The following COL14A1 variants were observed in gnomAD, a reference collection of about 807,000 sequenced individuals.
COL14A1 encodes collagen alpha-1(XIV) chain.
In COL14A1, 136 loss-of-function variants were observed where a neutral mutation model predicts 230.3. The ratio of observed to expected loss-of-function variants is 0.59; its 90% CI spans 0.51 to 0.68. The LOEUF is 0.68. Among genes scored for constraint, COL14A1 ranks in the 30% least tolerant of loss-of-function variants. The pLI is 0.00. For synonymous variants in COL14A1, 792 were observed against 784.1 expected, an observed-to-expected ratio of 1.01 and a Z score of -0.17; for missense variants, 1,976 against 2,215.8, an observed-to-expected ratio of 0.89 and a Z score of 2.17.
intron 19 of COL14A1, among the ~76,000 whole-genome samples, chr8:120,236,568 A>G (rs892288574): frequency 4.0e-5 from 6 of 151,806 alleles, no homozygotes; most frequent in African/African-American, 1.5e-4. Flanking sequence ...TTGACTTTTA[A>G]CCAATTTGCC....
chr8:120,200,765 A>G lies in COL14A1; in HGVS notation c.877+1199A>G, dbSNP rs188854154. On this transcript the variant is annotated intron_variant, in intron 8 of 47. Transcript: ENST00000297848. ...TATATATATATATATATATATATAT[A>G]TTATTTTTCATCAGAGGAGGTTTCT... Among the ~76,000 whole-genome samples the G allele has an allele frequency of 4.4e-3, 401 of 92,074 alleles. 2 individuals are homozygous for G. The highest frequency in any genetic ancestry group is 0.016 in the African/African-American group (381 of 24,214). 60.4% of individuals were successfully genotyped at this position (92,074 alleles called of 152,430 possible). A position where few individuals can be genotyped will look rare whatever the true frequency, so the allele number is the denominator to read the frequency against.
chr8:120,366,335 G>A (rs1008949444), intron 45 of COL14A1, among the ~76,000 whole-genome samples: 1 of 152,096 alleles, frequency 6.6e-6, no homozygotes, highest in Non-Finnish European at 1.5e-5. Context: ...TTCTCAGTAG[G>A]TATAATTAAA....
intron 8 of COL14A1, among the ~76,000 whole-genome samples, chr8:120,203,213 C>T (rs556890813): frequency 6.6e-6 from 1 of 151,872 alleles, no homozygotes; most frequent in South Asian, 2.1e-4. Flanking sequence ...CATTTAAAAA[C>T]GATTCTGCAA....
chr8:120,288,159 G>A (rs1201718425), intron 33 of COL14A1, among the ~76,000 whole-genome samples: 1 of 151,986 alleles, frequency 6.6e-6, no homozygotes, highest in Non-Finnish European at 1.5e-5. Flanking sequence ...AGTGTTCTAA[G>A]GCTCAAAAAC....
intron 40 of COL14A1, among the ~76,000 whole-genome samples, chr8:120,331,795 A>T (rs569527065): frequency 6.6e-6 from 1 of 152,330 alleles, no homozygotes; most frequent in African/African-American, 2.4e-5. Context: ...GTCATGAAAG[A>T]TACTAATTCA....
chr8:120,262,198 C>A (rs998564927), intron 23 of COL14A1, among the ~76,000 whole-genome samples: 2 of 152,046 alleles, frequency 1.3e-5, no homozygotes, highest in African/African-American at 4.8e-5. Context: ...ATAGGCCAGG[C>A]ATGGTATCTC....
At chr8:120,147,734 G>T (rs185295679) in intron 1 of COL14A1, 72 bp from the exon 2 acceptor site, 20 of 721,096 alleles carry the variant, frequency 2.8e-5, no homozygotes, top group Non-Finnish European at 4.1e-5. Flanking sequence ...TGGCTTATTC[G>T]CCTGTCCTAA....
chr8:120,124,497 C>T (rs370702959), upstream of COL14A1, among the ~76,000 whole-genome samples: 1 of 152,184 alleles, frequency 6.6e-6, no homozygotes, highest in African/African-American at 2.4e-5. Flanking sequence ...GAGGTACAAC[C>T]ACACGAAATT....
Position 120,289,625 on chromosome 8 carries a change from T to C in COL14A1, c.4095T>C (p.Ser1365=). The C allele has an allele frequency of 6.2e-7, 1 of 1,613,932 alleles. No homozygotes were observed. The highest frequency in any genetic ancestry group is 1.3e-5 in the African/African-American group (1 of 75,030). ...TTACCTAGCTACACATTGTTGTCAGTGAGACTTTGGTCAAAGTGGTTATTG... is the reference window on the plus strand; with the variant it reads ...TTACCTAGCTACACATTGTTGTCAGCGAGACTTTGGTCAAAGTGGTTATTG... ...GSFHKLHIVV[S]ETLVKVVIDC... is the part of the protein sequence containing the mutation. Residue 1365 remains serine, a synonymous_variant, in exon 34 of 48, where the codon AGT becomes AGC. Transcript: ENST00000297848.
chr8:120,167,637 C>CT (rs1420225993), intron 4 of COL14A1, among the ~76,000 whole-genome samples: 2 of 152,136 alleles, frequency 1.3e-5, no homozygotes, highest in Admixed American at 6.5e-5. Flanking sequence ...TAATAGAGAC[C>CT]TTTTTTTAAG....
chr8:120,182,903 T>A (rs1010978950), intron 5 of COL14A1, among the ~76,000 whole-genome samples: 4 of 151,878 alleles, frequency 2.6e-5, no homozygotes, highest in African/African-American at 4.8e-5. Context: ...ATTTTTTGTA[T>A]TTTAGTACAG....
At position 120,290,934 on chromosome 8, in the gene COL14A1, T is replaced by G. The variant is rs182020526; in HGVS notation, c.4236+1168T>G. On this transcript the variant is annotated intron_variant, in intron 34 of 47. Transcript: ENST00000297848. ...TTTAACACTTACAGTTGAAGTATCT[T>G]TAAAAGTTCCTTTGTTTCTACTTTG... is the stretch of plus-strand genomic sequence containing the variant. Among the ~76,000 whole-genome samples the G allele has an allele frequency of 3.9e-5, 6 of 152,356 alleles. No homozygotes were observed. The East Asian group carries it at 1.2e-3, about 29-fold the overall frequency.
intron 45 of COL14A1, among the ~76,000 whole-genome samples, chr8:120,363,625 G>A (rs187149281): frequency 1.4e-3 from 206 of 152,272 alleles, no homozygotes; most frequent in Non-Finnish European, 2.3e-3. Flanking sequence ...TTGAATATTA[G>A]TCTAGGCATT....
Position 120,244,351 on chromosome 8 carries a change from G to C in COL14A1, c.2479+343G>C, listed in dbSNP as rs116791763. Among the ~76,000 whole-genome samples the C allele has an allele frequency of 8.9e-3, 1,354 of 152,240 alleles. 18 individuals are homozygous for C. The highest frequency in any genetic ancestry group is 0.031 in the African/African-American group (1,291 of 41,550). On this transcript the variant is annotated intron_variant, in intron 20 of 47. Transcript: ENST00000297848. ...ATCTAACAGGTGTGCTCTAGTCCAAGCCACACTCTCTCTTTTATTTTCATT... is the reference window on the plus strand; with the variant it reads ...ATCTAACAGGTGTGCTCTAGTCCAACCCACACTCTCTCTTTTATTTTCATT...
chr8:120,226,181 T>C (rs1451534741), intron 15 of COL14A1, among the ~76,000 whole-genome samples: 8 of 152,082 alleles, frequency 5.3e-5, no homozygotes, highest in South Asian at 4.1e-4. Flanking sequence ...AGTTAAAAGA[T>C]TGAAGTTTCT....
At chr8:120,249,976 A>G (rs768069209) in intron 21 of COL14A1, among the ~76,000 whole-genome samples, 18 of 152,212 alleles carry the variant, frequency 1.2e-4, no homozygotes, top group Non-Finnish European at 2.4e-4. Context: ...AAGAAGCAGG[A>G]GGTAAATAAA....
chr8:120,189,401 A>G (rs548725070), intron 5 of COL14A1, among the ~76,000 whole-genome samples: 1 of 152,244 alleles, frequency 6.6e-6, no homozygotes, highest in East Asian at 1.9e-4. Flanking sequence ...GTACAAAACC[A>G]ATGATGGATT....
intron 1 of COL14A1, among the ~76,000 whole-genome samples, chr8:120,145,403 G>C (rs1377806591): frequency 6.6e-6 from 1 of 152,228 alleles, no homozygotes. Flanking sequence ...TGGATCACCT[G>C]AGGTCAGGAG....
chr8:120,154,078 A>G (rs1815382354), intron 2 of COL14A1, among the ~76,000 whole-genome samples: 1 of 152,230 alleles, frequency 6.6e-6, no homozygotes, highest in Non-Finnish European at 1.5e-5. Flanking sequence ...GGTAGGGAAG[A>G]ACACAAGATG....
Sources: gnomAD v4.1 joint callset for allele counts (sites outside exome capture counted in the v4.1 genomes callset) on GRCh38, gnomAD v4.1.1 for gene constraint, MANE v1.5 for transcripts, NCBI Gene and HGNC (gene_info 2026-07-23, HGNC 2026-07-21) for gene names.